The following PLEKHA5 variants were observed in gnomAD, a reference collection of about 807,000 sequenced individuals.
The protein encoded by PLEKHA5 is pleckstrin homology domain-containing family A member 5.
In PLEKHA5, 55 loss-of-function variants were observed where a neutral mutation model predicts 181.9. The observed-to-expected ratio is 0.30, with a 90% CI of 0.24 to 0.38. PLEKHA5 has a LOEUF of 0.38. Ranked by LOEUF, PLEKHA5 falls within the 10% of genes least tolerant of loss-of-function variation. PLEKHA5 has a pLI of 1.00. For missense variants in PLEKHA5, 1,432 were observed against 1,549.5 expected, an observed-to-expected ratio of 0.92 and a Z score of 1.27; for synonymous variants, 535 against 529.4, an observed-to-expected ratio of 1.01 and a Z score of -0.15.
chr12:19,212,466 A>C (rs975863863), intron 3 of PLEKHA5, among the ~76,000 whole-genome samples: 2 of 152,184 alleles, frequency 1.3e-5, no homozygotes, highest in East Asian at 1.9e-4. Context: ...TGATCACCTG[A>C]GGCCAGGAGT....
intron 3 of PLEKHA5, chr12:19,201,324 A>G (rs2054124719): frequency 6.6e-6 from 1 of 152,086 alleles, no homozygotes; most frequent in African/African-American, 2.4e-5. Context: ...GGCTATAATC[A>G]AAGACGATCA....
intron 13 of PLEKHA5, among the ~76,000 whole-genome samples, chr12:19,290,028 C>T (rs1224031537): frequency 6.6e-6 from 1 of 151,974 alleles, no homozygotes; most frequent in Non-Finnish European, 1.5e-5. Context: ...CTGCAAACTC[C>T]ACCTCCTGGA....
At chr12:19,149,305 A>G (rs935596149) in intron 3 of PLEKHA5, among the ~76,000 whole-genome samples, 1 of 151,948 alleles carries the variant, frequency 6.6e-6, no homozygotes, top group Non-Finnish European at 1.5e-5. Context: ...GATCGAGACC[A>G]TCCTGGCTAG....
chr12:19,199,090 A>G (rs1377164600), intron 3 of PLEKHA5, among the ~76,000 whole-genome samples: 2 of 152,158 alleles, frequency 1.3e-5, no homozygotes, highest in Admixed American at 6.6e-5. Flanking sequence ...CACTGCAGTA[A>G]AAGTCACTGG....
intron 3 of PLEKHA5, among the ~76,000 whole-genome samples, chr12:19,196,217 T>G (rs550866122): frequency 3.7e-4 from 56 of 152,322 alleles, no homozygotes; most frequent in African/African-American, 1.3e-3. Context: ...ATATTTTATA[T>G]GTCAGTACTG....
At chr12:19,183,871 G>A (rs1320999988) in intron 3 of PLEKHA5, among the ~76,000 whole-genome samples, 18 of 151,998 alleles carry the variant, frequency 1.2e-4, no homozygotes, top group Non-Finnish European at 2.5e-4. Context: ...GCACCACCAC[G>A]CCCAGCTAAT....
intron 3 of PLEKHA5, among the ~76,000 whole-genome samples, chr12:19,145,264 C>T (rs988956287): frequency 2.6e-5 from 4 of 152,158 alleles, no homozygotes; most frequent in Admixed American, 2.0e-4. Flanking sequence ...ACTCTATGAT[C>T]GTTAGTAGTT....
In PLEKHA5 at chr12:19,283,388, G is replaced by C. The variant is rs748497550; in HGVS notation, c.1422G>C (p.Arg474Ser). The change falls in exon 12 of 32, where the codon AGG (arginine) becomes AGC (serine). Residue 474 changes from arginine to serine, a missense_variant. Coordinates refer to ENST00000429027, the MANE Select transcript of PLEKHA5 (RefSeq NM_001256470.2). ...YRTLPRNSKT[R>S]PESICSVTPS... ...CACTCCCAAGAAACAGCAAGACAAG[G>C]CCTGAAAGTATCTGCAGTGTAACCC... 5 of 1,613,918 alleles carry C rather than the reference G, an allele frequency of 3.1e-6. No homozygotes were observed. Among genetic ancestry groups the C allele is most frequent in the East Asian group, 4.5e-5 (2 of 44,868 alleles).
intron 3 of PLEKHA5, among the ~76,000 whole-genome samples, chr12:19,221,535 TATGAC>T (rs2152305484): frequency 6.6e-6 from 1 of 152,292 alleles, no homozygotes; most frequent in South Asian, 2.1e-4. Context: ...AACTATTCCG[TATGAC>T]ACTGTAATTA....
At chr12:19,258,940 C>T (rs1264038867) in intron 6 of PLEKHA5, among the ~76,000 whole-genome samples, 2 of 152,124 alleles carry the variant, frequency 1.3e-5, no homozygotes, top group Admixed American at 6.6e-5. Flanking sequence ...TCCACTATTT[C>T]AGTGCAAAAC....
At chr12:19,262,718 G>A (rs547386212) in intron 7 of PLEKHA5, among the ~76,000 whole-genome samples, 2 of 152,318 alleles carry the variant, frequency 1.3e-5, no homozygotes, top group South Asian at 2.1e-4. Flanking sequence ...GATGAGAACA[G>A]TAGACACTGG....
chr12:19,316,656 G>C (rs1192432535), intron 16 of PLEKHA5, among the ~76,000 whole-genome samples: 1 of 152,124 alleles, frequency 6.6e-6, no homozygotes, highest in African/African-American at 2.4e-5. Context: ...GTGCTGTTAA[G>C]GCTAGGGAGT....
chr12:19,375,227 G>C (rs1374144185), intron 31 of PLEKHA5, among the ~76,000 whole-genome samples: 1 of 152,066 alleles, frequency 6.6e-6, no homozygotes, highest in Admixed American at 6.6e-5. Context: ...GGGAGACTGA[G>C]GCAGGAGAAT....
At chr12:19,364,494 G>A (rs1356026582) in intron 29 of PLEKHA5, among the ~76,000 whole-genome samples, 1 of 151,956 alleles carries the variant, frequency 6.6e-6, no homozygotes, top group Admixed American at 6.6e-5. Context: ...CTGGGCGACA[G>A]AGTGAGAATC....
At chr12:19,253,835 A>AT (rs2066091883) in intron 3 of PLEKHA5, 105 bp from the exon 4 acceptor site, 1 of 791,050 alleles carries the variant, frequency 1.3e-6, no homozygotes, top group Non-Finnish European at 2.1e-6. Flanking sequence ...ACAAAAAAAA[A>AT]GGCTGGAAGT....
chr12:19,138,742 A>G, intron 3 of PLEKHA5, among the ~76,000 whole-genome samples: 1 of 152,038 alleles, frequency 6.6e-6, no homozygotes, highest in Non-Finnish European at 1.5e-5. Flanking sequence ...GGGAGGATAC[A>G]TTCATGGGGC....
At chr12:19,302,903 G>GA (rs200644353) in intron 15 of PLEKHA5, among the ~76,000 whole-genome samples, 1 of 106,476 alleles carries the variant, frequency 9.4e-6, no homozygotes, top group East Asian at 2.9e-4. Context: ...TGTTCTGTAT[G>GA]AAATTTTTTT....
chr12:19,343,355 T>A lies in PLEKHA5; in HGVS notation c.2583T>A (p.Ile861=), dbSNP rs2094082754. 1 of 1,613,676 alleles carries A rather than the reference T, an allele frequency of 6.2e-7. No individual in the cohort carries two copies. Among genetic ancestry groups the A allele is most frequent in the Non-Finnish European group, 8.5e-7 (1 of 1,179,742 alleles). ...TESAGIQRAQ[I]QKELWRIQDV... is the part of the protein sequence containing the mutation. ...CAGCAGGAATTCAGCGTGCACAGAT[T>A]CAGAAAGAACTTTGGCGAATTCAGG... Residue 861 remains isoleucine, a synonymous_variant, in exon 22 of 32, where the codon ATT becomes ATA. Coordinates refer to ENST00000429027, the MANE Select transcript of PLEKHA5 (RefSeq NM_001256470.2).
Position 19,369,745 on chromosome 12 carries a change from T to C in PLEKHA5, c.3807T>C (p.Thr1269=). The change falls in exon 31 of 32, where the codon ACT becomes ACC. Residue 1269 remains threonine (T), a synonymous_variant. Coordinates refer to ENST00000429027, the MANE Select transcript of PLEKHA5 (RefSeq NM_001256470.2). ...CCTCGGCATCGCCAGTTCCATCCAC[T>C]CAGCCGCAGCTCACAGAAGGATCAC... The part of the protein sequence containing the change: ...PESSASPVPS[T]QPQLTEGSHF... 1 of 1,612,918 alleles carries C rather than the reference T, an allele frequency of 6.2e-7. No homozygotes were observed. The highest frequency in any genetic ancestry group is 1.7e-5 in the Admixed American group (1 of 59,700).
Sources: gnomAD v4.1 joint callset for allele counts (sites outside exome capture counted in the v4.1 genomes callset) on GRCh38, gnomAD v4.1.1 for gene constraint, MANE v1.5 for transcripts, NCBI Gene and HGNC (gene_info 2026-07-23, HGNC 2026-07-21) for gene names.